The following CCNH variants were observed in gnomAD, a reference collection of about 807,000 sequenced individuals.
The protein encoded by CCNH is cyclin-H.
A neutral mutation model predicts 41.9 loss-of-function variants in CCNH; 31 were observed. That is an observed-to-expected ratio of 0.74 (90% CI 0.56 to 1.00). The LOEUF is 1.00. Among genes scored for constraint, CCNH ranks in the 50% least tolerant of loss-of-function variants. CCNH has a pLI of 0.00. For synonymous variants in CCNH, 138 were observed against 136.1 expected (o/e 1.01, Z -0.10); for missense variants, 362 against 388.4 (o/e 0.93, Z 0.57).
In CCNH at chr5:87,331,366, T is replaced by C. The variant is rs956695927; in HGVS notation, c.*91-12469A>G. On this transcript the variant is annotated intron_variant and NMD_transcript_variant, in intron 9 of 9. Transcript: ENST00000645953. ...CCCCTAGGTGGTATCACGGAAAACTTGACAGAACGATAGCAGAAGAACGCC... is the reference window on the plus strand; with the variant it reads ...CCCCTAGGTGGTATCACGGAAAACTCGACAGAACGATAGCAGAAGAACGCC... 3 of 1,611,006 alleles carry C rather than the reference T, an allele frequency of 1.9e-6. No homozygotes were observed. The African/African-American group carries it at 4.0e-5, about 22-fold the overall frequency.
downstream of CCNH, among the ~76,000 whole-genome samples, chr5:87,375,921 C>T (rs1038331553): frequency 6.6e-6 from 1 of 152,162 alleles, no homozygotes; most frequent in African/African-American, 2.4e-5. Flanking sequence ...TGACACAGAA[C>T]GAAGGCCATA....
At chr5:87,381,759 G>T (rs1321219453), upstream of CCNH, among the ~76,000 whole-genome samples, 1 of 152,132 alleles carries the variant, frequency 6.6e-6, no homozygotes, top group Non-Finnish European at 1.5e-5. Context: ...CTATAAATTT[G>T]TAAGTTTCAA....
intron 9 of CCNH, among the ~76,000 whole-genome samples, chr5:87,338,503 A>ATT (rs1561292241): frequency 1.9e-4 from 2 of 10,702 alleles, no homozygotes; most frequent in Non-Finnish European, 4.4e-4. Context: ...AGCTAATTTT[A>ATT]TATATATATA....
chr5:87,399,469 C>A lies in CCNH; in HGVS notation c.797G>T (p.Arg266Ile). 1 of 1,613,772 alleles carries A rather than the reference C, an allele frequency of 6.2e-7. No individual in the cohort carries two copies. Among genetic ancestry groups the A allele is most frequent in the Non-Finnish European group, 8.5e-7 (1 of 1,179,760 alleles). ...RNLVKKYEPP[R>I]SEEVAVLKQK... is the part of the protein sequence containing the mutation. ...TTTCAGAACAGCAACTTCTTCAGAT[C>A]TGGGTGGTTCATACTTCTTTACTAA... Residue 266 changes from arginine to isoleucine, a missense_variant, in exon 7 of 9, where the codon AGA (arginine) becomes ATA (isoleucine). Physicochemically the swap from Arg to Ile is moderately conservative, Grantham distance 97. Coordinates refer to ENST00000256897, the MANE Select transcript of CCNH (RefSeq NM_001239.4).
intron 9 of CCNH, among the ~76,000 whole-genome samples, chr5:87,354,500 G>A (rs1166046841): frequency 1.3e-5 from 2 of 152,120 alleles, no homozygotes; most frequent in African/African-American, 4.8e-5. Context: ...AAGCTTAATC[G>A]ATAAATGTAG....
At chr5:87,357,344 A>G (rs1459264071) in intron 9 of CCNH, among the ~76,000 whole-genome samples, 1 of 152,072 alleles carries the variant, frequency 6.6e-6, no homozygotes, top group Admixed American at 6.5e-5. Context: ...TTGCCTCCAG[A>G]TGACGGATCC....
At chr5:87,394,816 C>A (rs975751660) in intron 8 of CCNH, 1 of 1,363,302 alleles carries the variant, frequency 7.3e-7, no homozygotes, top group African/African-American at 1.5e-5. Context: ...ATACATATTG[C>A]TTCTGCTTTC....
chr5:87,341,422 C>G (rs1299731703), intron 9 of CCNH: 15 of 674,494 alleles, frequency 2.2e-5, no homozygotes, highest in Admixed American at 4.4e-5. Flanking sequence ...AGGTTTTGGA[C>G]TGACTTAACT....
downstream of CCNH, chr5:87,386,750 T>C (rs1039123512): frequency 2.3e-6 from 3 of 1,315,722 alleles, no homozygotes; most frequent in Non-Finnish European, 3.3e-6. Flanking sequence ...TTAACTGTAA[T>C]TACTTTTGCA....
intron 9 of CCNH, among the ~76,000 whole-genome samples, chr5:87,328,969 T>C (rs1249065741): frequency 1.6e-5 from 1 of 63,058 alleles, no homozygotes; most frequent in Non-Finnish European, 4.2e-5. Context: ...GGCTGGATAA[T>C]TTAATTGCAG....
downstream of CCNH, chr5:87,374,401 A>G (rs1205465815): frequency 2.4e-6 from 3 of 1,244,608 alleles, no homozygotes; most frequent in Admixed American, 3.8e-5. Context: ...CTCTGTATCT[A>G]AACCATCAGA....
chr5:87,412,295 C>G (rs1580472418), intron 1 of CCNH: 1 of 503,920 alleles, frequency 2.0e-6, no homozygotes, highest in Non-Finnish European at 2.7e-6. Context: ...GACCTCCCTC[C>G]CACTCTGAAC....
downstream of CCNH, among the ~76,000 whole-genome samples, chr5:87,375,869 G>C (rs1270624745): frequency 6.6e-6 from 1 of 152,160 alleles, no homozygotes; most frequent in Non-Finnish European, 1.5e-5. Flanking sequence ...AGTAATTTTA[G>C]TTTTCCATTA....
chr5:87,339,008 G>C (rs1758246133), intron 9 of CCNH, among the ~76,000 whole-genome samples: 1 of 151,998 alleles, frequency 6.6e-6, no homozygotes, highest in African/African-American at 2.4e-5. Context: ...CAAATATATT[G>C]TACATTATAA....
chr5:87,321,940 A>G (rs893563382), intron 9 of CCNH, among the ~76,000 whole-genome samples: 2 of 152,172 alleles, frequency 1.3e-5, no homozygotes, highest in African/African-American at 4.8e-5. Context: ...AAGGTCAGGG[A>G]TATTGTTTCC....
At chr5:87,411,463 A>C in intron 1 of CCNH, 117 bp from the exon 2 acceptor site, 1 of 861,802 alleles carries the variant, frequency 1.2e-6, no homozygotes, top group Non-Finnish European at 1.7e-6. Flanking sequence ...GGTATATATC[A>C]CGCCTCATTT....
chr5:87,411,460 A>T, intron 1 of CCNH, 114 bp from the exon 2 acceptor site: 1 of 873,310 alleles, frequency 1.1e-6, no homozygotes, highest in Non-Finnish European at 1.6e-6. Context: ...AAGGGTATAT[A>T]TCACGCCTCA....
chr5:87,338,536 A>ATATATATATATTTTTT lies in CCNH; in HGVS notation c.*91-19640_*91-19639insAAAAAATATATATATA. On this transcript the variant is annotated intron_variant and NMD_transcript_variant, in intron 9 of 9. Coordinates refer to the CCNH transcript ENST00000645953. The stretch of plus-strand genomic sequence containing the variant: ...ATATATATATATATATATATATAAA[A>ATATATATATATTTTTT]TTTTTTTTTTTTTTAAGTAGAAATG... Among the ~76,000 whole-genome samples, 30 of 85,202 alleles carry ATATATATATATTTTTT rather than the reference A, an allele frequency of 3.5e-4. 1 individual carries two copies. The East Asian group carries it at 0.011, about 31-fold the overall frequency. The allele number at this position is 85,202 out of a possible 152,430, so 55.9% of individuals were successfully genotyped here.
intron 8 of CCNH, 175 bp from the exon 9 acceptor site, chr5:87,394,659 C>G: frequency 7.1e-7 from 1 of 1,403,824 alleles, no homozygotes; most frequent in South Asian, 1.8e-5. Context: ...TCTCACCAGA[C>G]TCCTCCAGTG....
Sources: allele counts gnomAD v4.1 joint callset (sites outside exome capture counted in the v4.1 genomes callset), GRCh38; gene constraint gnomAD v4.1.1; transcripts MANE v1.5; gene names NCBI Gene and HGNC (gene_info 2026-07-23, HGNC 2026-07-21).